The following MGA variants were observed in gnomAD, a reference collection of about 807,000 sequenced individuals.
MGA encodes MAX dimerization protein MGA.
Under a neutral mutation model 261.1 loss-of-function variants are expected in MGA, and 40 were observed. That is an observed-to-expected ratio of 0.15 (90% confidence interval 0.12 to 0.20). The LOEUF (loss-of-function observed/expected upper bound fraction) is 0.20. MGA is among the 10% of genes least tolerant of loss of function. The pLI, the probability that MGA is intolerant of heterozygous loss-of-function variation, is 1.00. For synonymous variants in MGA, 1,302 were observed against 1,290.6 expected (o/e 1.01, Z -0.19); for missense variants, 3,397 against 3,630.5 (o/e 0.94, Z 1.65).
At chr15:41,648,931 A>G (rs193038991) in intron 1 of MGA, among the ~76,000 whole-genome samples, 12 of 152,298 alleles carry the variant, frequency 7.9e-5, no homozygotes, top group African/African-American at 2.9e-4. Context: ...AGAAAAAAGA[A>G]AAGTCTGTTG....
chr15:41,707,830 A>G lies in MGA; in HGVS notation c.2291A>G (p.Asn764Ser), dbSNP rs772576219. 24 of 1,613,660 alleles carry G rather than the reference A, an allele frequency of 1.5e-5. No homozygotes were observed. The East Asian group carries it at 3.3e-4, about 22-fold the overall frequency. ...CCAGCTACTAGCTTTCCTTTTTGGA[A>G]CCTTACAGGAACCAACCCTGCCTCT... The change falls in exon 6 of 24, where the codon AAC (asparagine) becomes AGC (serine). Residue 764 changes from asparagine to serine, a missense_variant. Transcript: ENST00000219905.
chr15:41,656,377 T>TCTCTCTCTCTCTCTCACA (rs1555403733), upstream of MGA, among the ~76,000 whole-genome samples: 2,314 of 67,178 alleles, frequency 0.034, 109 homozygotes, highest in Non-Finnish European at 0.059. Flanking sequence ...TCTCTCTCTC[T>TCTCTCTCTCTCTCTCACA]CACACCCAGG....
Position 41,714,579 on chromosome 15 carries a change from C to T in MGA, c.3430+1083C>T, listed in dbSNP as rs76613641. Among the ~76,000 whole-genome samples, 67 of 152,356 alleles carry T rather than the reference C, an allele frequency of 4.4e-4. No individual in the cohort carries two copies. The East Asian group carries it at 0.011, about 26-fold the overall frequency. Reference sequence around the variant, plus strand: ...AGTGCAGTGGCATGGTCTCAGCTCACTGCAACCTCCACCTCCTGGGTTCAA... The same window carrying T: ...AGTGCAGTGGCATGGTCTCAGCTCATTGCAACCTCCACCTCCTGGGTTCAA... On this transcript the variant is annotated intron_variant, in intron 9 of 23. Coordinates refer to ENST00000219905, the MANE Select transcript of MGA (RefSeq NM_001164273.2).
chr15:41,639,857 T>C (rs369249966), intron 1 of MGA, among the ~76,000 whole-genome samples: 1 of 152,108 alleles, frequency 6.6e-6, no homozygotes, highest in South Asian at 2.1e-4. Context: ...CCCAGGAGCA[T>C]GTGGTTTTTA....
At chr15:41,682,137 G>A (rs2058714920) in intron 2 of MGA, among the ~76,000 whole-genome samples, 1 of 151,962 alleles carries the variant, frequency 6.6e-6, no homozygotes. Flanking sequence ...GGCTGGTCTC[G>A]AACTCCTGAC....
At chr15:41,745,449 C>T (rs1466240200) in intron 15 of MGA, among the ~76,000 whole-genome samples, 1 of 149,682 alleles carries the variant, frequency 6.7e-6, no homozygotes, top group Non-Finnish European at 1.5e-5. Context: ...GCTTTGCTGT[C>T]TTTTTTTTTA....
At position 41,669,393 on chromosome 15, in the gene MGA, C is replaced by T. The variant is rs752397560; in HGVS notation, c.499C>T (p.His167Tyr). 5.6e-6 allele frequency: 9 copies of T among 1,613,826 alleles called. No individual in the cohort carries two copies. The highest frequency in any genetic ancestry group is 3.3e-4 in the Middle Eastern group (2 of 6,084). ...TCATCCAGAATCTCCTTCCACAGGT[C>T]ATTATTGGATGCATCAACCAGTATC... Residue 167 changes from histidine (H) to tyrosine (Y), a missense_variant, in exon 2 of 24, where the codon CAT (histidine) becomes TAT (tyrosine). Physicochemically the swap from His to Tyr is moderately conservative, Grantham distance 83 (BLOSUM62 2). This residue lies in a region of MGA where 104 missense variants were observed against 212.9 expected (regional missense o/e 0.49). Transcript: ENST00000219905.
At chr15:41,744,200 GTATATA>G (rs1362659845) in intron 15 of MGA, among the ~76,000 whole-genome samples, 1 of 151,280 alleles carries the variant, frequency 6.6e-6, no homozygotes. Flanking sequence ...GTGTGTGTGT[GTATATA>G]TATATATATT....
intron 1 of MGA, among the ~76,000 whole-genome samples, chr15:41,633,089 C>G (rs2056625200): frequency 6.6e-6 from 1 of 151,674 alleles, no homozygotes; most frequent in African/African-American, 2.4e-5. Context: ...GTAGCTGAGA[C>G]TACAGGCGCG....
chr15:41,699,995 T>C (rs996128978), intron 5 of MGA, among the ~76,000 whole-genome samples: 3 of 151,550 alleles, frequency 2.0e-5, no homozygotes, highest in East Asian at 1.9e-4. Context: ...TACATAGTTA[T>C]ACATGTGCTA....
intron 3 of MGA, among the ~76,000 whole-genome samples, chr15:41,697,697 T>C (rs1183865477): frequency 6.6e-6 from 1 of 152,136 alleles, no homozygotes; most frequent in Admixed American, 6.5e-5. Context: ...ATTACATGCA[T>C]GAGCCACCGC....
At chr15:41,625,648 A>G (rs2056431356) in intron 1 of MGA, among the ~76,000 whole-genome samples, 2 of 152,170 alleles carry the variant, frequency 1.3e-5, no homozygotes, top group African/African-American at 4.8e-5. Flanking sequence ...CAGAAGGTCA[A>G]GGCTACAGTG....
chr15:41,626,433 A>AT (rs1276831790), intron 1 of MGA, among the ~76,000 whole-genome samples: 1 of 151,592 alleles, frequency 6.6e-6, no homozygotes, highest in Non-Finnish European at 1.5e-5. Flanking sequence ...TTTTTTTAAA[A>AT]TTTTTTTAGA....
chr15:41,672,576 A>G (rs2058119208), intron 2 of MGA, among the ~76,000 whole-genome samples: 2 of 152,194 alleles, frequency 1.3e-5, no homozygotes, highest in South Asian at 4.1e-4. Flanking sequence ...CACTAAAGGG[A>G]GAAAAGCAAC....
In MGA at chr15:41,743,292, G is replaced by C; in HGVS notation, c.5212+120G>C. On this transcript the variant is annotated intron_variant, in intron 15 of 23. Transcript: ENST00000219905. ...AGTATAGGTATTTCTGTTGTAACAT[G>C]ATACATGTATTCCTGAAAACCTCTG... 4.0e-6 allele frequency: 5 copies of C among 1,236,490 alleles called. No individual in the cohort carries two copies. The South Asian group carries it at 8.2e-5, about 20-fold the overall frequency. The allele number at this position is 1,236,490 out of a possible 1,614,324, so 76.6% of individuals were successfully genotyped here.
At chr15:41,764,686 A>G (rs2063703944) in intron 22 of MGA, among the ~76,000 whole-genome samples, 200 bp from the exon 23 acceptor site, 1 of 151,954 alleles carries the variant, frequency 6.6e-6, no homozygotes, top group Non-Finnish European at 1.5e-5. Context: ...GGTGCACACC[A>G]CCACACCCGC....
At position 41,767,110 on chromosome 15, in the gene MGA, G is replaced by C. The variant is rs762610507; in HGVS notation, c.9028G>C (p.Val3010Leu). ...TGATGCAGATGGTCAGAGTCTCAAG[G>C]TGATGCCTTGTTTGGCACCTATAGC... Residue 3010 changes from valine (V) to leucine (L), a missense_variant, in exon 24 of 24, where the codon GTG (valine) becomes CTG (leucine). By Grantham distance (32) the Val-to-Leu change is conservative. This residue lies in a region of MGA where 647 missense variants were observed against 642.4 expected (regional missense o/e 1.01). Transcript: ENST00000219905. 7.4e-6 allele frequency: 12 copies of C among 1,614,020 alleles called. No homozygotes were observed. The highest frequency in any genetic ancestry group is 7.6e-6 in the Non-Finnish European group (9 of 1,179,900).
chr15:41,724,241 G>A (rs2061106657), intron 9 of MGA, among the ~76,000 whole-genome samples: 1 of 152,120 alleles, frequency 6.6e-6, no homozygotes, highest in African/African-American at 2.4e-5. Context: ...CCTTCACTGG[G>A]AGGGCAAGCC....
intron 8 of MGA, among the ~76,000 whole-genome samples, chr15:41,712,404 A>G (rs1204676497): frequency 6.6e-6 from 1 of 152,178 alleles, no homozygotes; most frequent in East Asian, 1.9e-4. Flanking sequence ...TAAAAATACA[A>G]ATGGGGTTTT....
Sources: allele counts gnomAD v4.1 joint callset (sites outside exome capture counted in the v4.1 genomes callset), GRCh38; gene constraint gnomAD v4.1.1; regional missense constraint gnomAD v4.1.1; transcripts MANE v1.5; gene names NCBI Gene and HGNC (gene_info 2026-07-23, HGNC 2026-07-21).